Variants in PAN3 observed in about 807,000 individuals in gnomAD.
The protein encoded by PAN3 is PAN2-PAN3 deadenylation complex subunit PAN3.
In PAN3, 19 loss-of-function variants were observed where a neutral mutation model predicts 96.2. That is an observed-to-expected ratio of 0.20 (90% CI 0.14 to 0.29). The LOEUF (loss-of-function observed/expected upper bound fraction) is 0.29. Ranked by LOEUF, PAN3 falls within the 10% of genes least tolerant of loss-of-function variation. The probability of loss-of-function intolerance (pLI) is 1.00; values close to 1 mark genes in which losing one functional copy is unlikely to be tolerated. For missense variants in PAN3, 882 were observed against 1,108.1 expected (o/e 0.80, Z 2.90); for synonymous variants, 433 against 406.6 (o/e 1.06, Z -0.78).
chr13:28,194,426 G>A (rs1877719052), intron 4 of PAN3, among the ~76,000 whole-genome samples: 1 of 144,374 alleles, frequency 6.9e-6, no homozygotes. Context: ...ACGTGTGTGT[G>A]TGTATATATA....
At chr13:28,161,157 A>G (rs1488419908) in intron 1 of PAN3, among the ~76,000 whole-genome samples, 1 of 152,094 alleles carries the variant, frequency 6.6e-6, no homozygotes, top group African/African-American at 2.4e-5. Flanking sequence ...AGTTTAATCT[A>G]TATTTAATCT....
At chr13:28,176,400 G>T (rs1874996896) in intron 2 of PAN3, 93 bp from the exon 3 acceptor site, 1 of 1,103,280 alleles carries the variant, frequency 9.1e-7, no homozygotes, top group Non-Finnish European at 1.4e-6. Flanking sequence ...GTAGATTGGA[G>T]GGGAAGAAGC....
rs2138650850 is a variant in PAN3, at chr13:28,267,177, T to C, written c.1656T>C (p.Arg552=). 6.2e-7 allele frequency: 1 copy of C among 1,613,224 alleles called. No individual in the cohort carries two copies. The highest frequency in any genetic ancestry group is 8.5e-7 in the Non-Finnish European group (1 of 1,179,240). The change falls in exon 11 of 19, where the codon CGT becomes CGC. Residue 552 remains arginine (R), a synonymous_variant. Coordinates refer to ENST00000380958, the MANE Select transcript of PAN3 (RefSeq NM_175854.8). ...KIQHSNIVTL[R]EVFTTKAFAE... ...AACACTCAAATATCGTAACTTTGCGTGAAGTATTTACCACTAAAGCATTTG... is the reference window on the plus strand; with the variant it reads ...AACACTCAAATATCGTAACTTTGCGCGAAGTATTTACCACTAAAGCATTTG...
At chr13:28,208,922 T>C (rs527795388) in intron 5 of PAN3, among the ~76,000 whole-genome samples, 1 of 152,186 alleles carries the variant, frequency 6.6e-6, no homozygotes, top group Admixed American at 6.5e-5. Context: ...TAGAAGTTTT[T>C]TGTAAAAATT....
At chr13:28,268,870 A>T (rs1398115331) in intron 12 of PAN3, among the ~76,000 whole-genome samples, 2 of 152,034 alleles carry the variant, frequency 1.3e-5, no homozygotes, top group Non-Finnish European at 2.9e-5. Context: ...TGGCTGTTTC[A>T]CATTTAAAAT....
chr13:28,189,842 A>G lies in PAN3; in HGVS notation c.691-7343A>G, dbSNP rs186080782. On this transcript the variant is annotated intron_variant, in intron 4 of 18. Transcript: ENST00000380958. ...TTTATTTTAGCAAGATCCCTGGAAG[A>G]TTTCTGTGTTCACTATTGTTTGAGA... Among the ~76,000 whole-genome samples the G allele has an allele frequency of 3.3e-5, 5 of 152,318 alleles. No individual in the cohort carries two copies. In the East Asian group the frequency reaches 9.6e-4, roughly 29 times the overall value.
At chr13:28,213,892 C>A (rs910863973) in intron 5 of PAN3, among the ~76,000 whole-genome samples, 2 of 152,076 alleles carry the variant, frequency 1.3e-5, no homozygotes, top group Non-Finnish European at 2.9e-5. Flanking sequence ...CACTACACAC[C>A]TATTAGAATG....
intron 5 of PAN3, among the ~76,000 whole-genome samples, chr13:28,214,009 AGTATCG>A (rs1880411952): frequency 6.6e-6 from 1 of 152,152 alleles, no homozygotes; most frequent in Non-Finnish European, 1.5e-5. Context: ...GCTAGGCTGG[AGTATCG>A]CTTGAGTGGC....
chr13:28,267,040 G>T, intron 10 of PAN3, 55 bp from the exon 11 acceptor site: 1 of 1,463,746 alleles, frequency 6.8e-7, no homozygotes, highest in South Asian at 1.3e-5. Flanking sequence ...ATTTCTGATG[G>T]AATATGAAGG....
chr13:28,280,485 A>G lies in PAN3; in HGVS notation c.2263A>G (p.Thr755Ala). Residue 755 changes from threonine to alanine, a missense_variant, in exon 16 of 19, where the codon ACT (threonine) becomes GCT (alanine). Physicochemically the swap from Thr to Ala is moderately conservative, Grantham distance 58. Coordinates refer to ENST00000380958, the MANE Select transcript of PAN3 (RefSeq NM_175854.8). ...IMPMIGARFY[T>A]QLDAAQMRND... ...GCCCATGATTGGTGCTCGATTTTAT[A>G]CTCAATTGGATGCTGCTCAAATGAG... is the stretch of plus-strand genomic sequence containing the variant. The G allele has an allele frequency of 6.2e-7, 1 of 1,613,564 alleles. No individual in the cohort carries two copies. Among genetic ancestry groups the G allele is most frequent in the Non-Finnish European group, 8.5e-7 (1 of 1,179,916 alleles).
chr13:28,254,935 A>T (rs1885021502), intron 6 of PAN3, among the ~76,000 whole-genome samples: 1 of 152,112 alleles, frequency 6.6e-6, no homozygotes, highest in African/African-American at 2.4e-5. Flanking sequence ...TACCTACTTT[A>T]GTTGCTCAGA....
chr13:28,224,959 A>G (rs1190864510), intron 6 of PAN3, among the ~76,000 whole-genome samples: 3 of 152,194 alleles, frequency 2.0e-5, no homozygotes, highest in Non-Finnish European at 4.4e-5. Flanking sequence ...TATGATTGAT[A>G]TGGGGAGAAT....
intron 4 of PAN3, among the ~76,000 whole-genome samples, chr13:28,189,265 C>A (rs932148211): frequency 6.6e-6 from 1 of 152,168 alleles, no homozygotes; most frequent in Non-Finnish European, 1.5e-5. Context: ...CGCCTGTAAT[C>A]CCAGCACTTT....
chr13:28,209,549 A>G (rs368155431), intron 5 of PAN3, among the ~76,000 whole-genome samples: 4 of 152,192 alleles, frequency 2.6e-5, no homozygotes, highest in Non-Finnish European at 4.4e-5. Flanking sequence ...GATATGTTCC[A>G]CAGTCCACAT....
At chr13:28,151,226 G>A (rs189587534) in intron 1 of PAN3, among the ~76,000 whole-genome samples, 2 of 152,168 alleles carry the variant, frequency 1.3e-5, no homozygotes, top group Admixed American at 6.6e-5. Context: ...TTTTAAAAGA[G>A]TTCTGTGGGC....
At chr13:28,281,926 A>C (rs1887505536) in intron 17 of PAN3, among the ~76,000 whole-genome samples, 1 of 152,124 alleles carries the variant, frequency 6.6e-6, no homozygotes. Flanking sequence ...GTGCACCACC[A>C]TACCCAGCTA....
At chr13:28,158,836 CCACTG>C (rs1405348132) in intron 1 of PAN3, among the ~76,000 whole-genome samples, 1 of 151,594 alleles carries the variant, frequency 6.6e-6, no homozygotes, top group Non-Finnish European at 1.5e-5. Context: ...GGATATCGCG[CCACTG>C]CACTCCAGCC....
intron 1 of PAN3, among the ~76,000 whole-genome samples, chr13:28,159,203 G>C (rs972415668): frequency 3.9e-5 from 6 of 152,166 alleles, no homozygotes; most frequent in Non-Finnish European, 7.3e-5. Flanking sequence ...AAGTGACCTA[G>C]ATGCCCATCA....
chr13:28,270,871 T>G lies in PAN3; in HGVS notation c.1958+5T>G. On this transcript the variant is annotated splice_donor_5th_base_variant and intron_variant, in intron 13 of 18. Transcript: ENST00000380958. ...TCTGATAACTGGCAAAACAAGGTAC[T>G]AGCATTTTGAGTTTTGGTTTCTTTT... 1.2e-6 allele frequency: 2 copies of G among 1,612,190 alleles called. No individual in the cohort carries two copies. The highest frequency in any genetic ancestry group is 1.7e-6 in the Non-Finnish European group (2 of 1,178,766).
Sources: gnomAD v4.1 joint callset for allele counts (sites outside exome capture counted in the v4.1 genomes callset) on GRCh38, gnomAD v4.1.1 for gene constraint, MANE v1.5 for transcripts, NCBI Gene and HGNC (gene_info 2026-07-23, HGNC 2026-07-21) for gene names.